The following TENM2 variants were observed in gnomAD, a reference collection of about 807,000 sequenced individuals.
TENM2 encodes teneurin-2.
Under a neutral mutation model 245.2 loss-of-function variants are expected in TENM2, and 52 were observed. The ratio of observed to expected loss-of-function variants is 0.21; its 90% CI spans 0.17 to 0.27. The LOEUF (loss-of-function observed/expected upper bound fraction) is 0.27, where lower values mean the gene tolerates loss of function less well. TENM2 is among the 10% of genes least tolerant of loss of function. The probability of loss-of-function intolerance (pLI) is 1.00; values close to 1 mark genes in which losing one functional copy is unlikely to be tolerated. For synonymous variants in TENM2, 1,363 were observed against 1,438.9 expected (o/e 0.95, Z 1.19); for missense variants, 3,046 against 3,666.8 (o/e 0.83, Z 4.37).
At chr5:167,861,318 C>G (rs548679187) in intron 2 of TENM2, among the ~76,000 whole-genome samples, 23 of 152,250 alleles carry the variant, frequency 1.5e-4, no homozygotes, top group Admixed American at 1.2e-3. Context: ...GTTTCAGTAC[C>G]ACGGAGAGCG....
intron 4 of TENM2, among the ~76,000 whole-genome samples, chr5:167,989,138 G>C (rs375005467): frequency 1.3e-5 from 2 of 152,232 alleles, no homozygotes; most frequent in South Asian, 4.2e-4. Context: ...TCACATTCTG[G>C]TTGGGGATAG....
intron 2 of TENM2, among the ~76,000 whole-genome samples, chr5:167,535,919 T>G (rs1771810415): frequency 6.6e-6 from 1 of 152,182 alleles, no homozygotes; most frequent in Non-Finnish European, 1.5e-5. Context: ...CTTATGGTTG[T>G]GCAGGGCACT....
chr5:167,007,264 A>C, the TENM2 span, among the ~76,000 whole-genome samples: 8 of 152,152 alleles, frequency 5.3e-5, no homozygotes, highest in African/African-American at 1.7e-4. The surrounding 1 kb of genome is among the most constrained non-coding windows in gnomAD (Gnocchi z 4.2). Flanking sequence ...CACAAATATA[A>C]ACATAAGTCC....
intron 2 of TENM2, among the ~76,000 whole-genome samples, chr5:167,522,821 TA>T (rs5873039): frequency 0.67 from 101,179 of 150,408 alleles, 34,177 homozygotes; most frequent in East Asian, 0.84. Context: ...CTCTGCCCTA[TA>T]AAAAAAAAAG....
the TENM2 span, among the ~76,000 whole-genome samples, chr5:167,046,989 ATG>A: frequency 6.6e-6 from 1 of 151,946 alleles, no homozygotes; most frequent in African/African-American, 2.4e-5. Context: ...TTTGCTGAGG[ATG>A]ATGGCTTCCA....
At chr5:167,106,599 C>T in the TENM2 span, among the ~76,000 whole-genome samples, 2 of 152,150 alleles carry the variant, frequency 1.3e-5, no homozygotes, top group Non-Finnish European at 2.9e-5. Flanking sequence ...AGGTGACTGA[C>T]ATGACTCAAC....
chr5:167,099,694 TCAAAACAAAA>T, the TENM2 span, among the ~76,000 whole-genome samples: 1 of 152,052 alleles, frequency 6.6e-6, no homozygotes, highest in African/African-American at 2.4e-5. Context: ...AAACACCGTC[TCAAAACAAAA>T]CAAAACAAAA....
intron 2 of TENM2, among the ~76,000 whole-genome samples, chr5:167,735,266 T>A (rs1760718695): frequency 6.6e-6 from 1 of 152,188 alleles, no homozygotes; most frequent in Non-Finnish European, 1.5e-5. Context: ...AAAAAAACTA[T>A]GTCAAGATAT....
intron 1 of TENM2, among the ~76,000 whole-genome samples, chr5:167,370,081 G>A (rs967647636): frequency 6.6e-6 from 1 of 152,158 alleles, no homozygotes; most frequent in Non-Finnish European, 1.5e-5. Flanking sequence ...GGTGGCTCAC[G>A]CCTGTAATCC....
At chr5:167,290,810 G>A (rs756012634) in intron 1 of TENM2, among the ~76,000 whole-genome samples, 41 of 151,840 alleles carry the variant, frequency 2.7e-4, no homozygotes, top group Non-Finnish European at 4.7e-4. Context: ...CTCTAAGGTA[G>A]TGTCATAGGA....
chr5:168,161,683 C>G (rs1043616484), intron 12 of TENM2, among the ~76,000 whole-genome samples: 29 of 152,092 alleles, frequency 1.9e-4, no homozygotes, highest in African/African-American at 6.8e-4. Flanking sequence ...TACCTCCTTT[C>G]TCCACTTTTC....
At chr5:168,214,711 A>G in intron 20 of TENM2, 2 of 453,844 alleles carry the variant, frequency 4.4e-6, no homozygotes, top group South Asian at 3.3e-5. Context: ...CTGCACACAC[A>G]TGGACTGTAG....
chr5:167,952,806 G>A (rs1045908481), exon 4 of TENM2: 28 of 1,558,046 alleles, frequency 1.8e-5, no homozygotes, highest in Non-Finnish European at 2.2e-5. Flanking sequence ...AAACAGCAAC[G>A]TGCCACTGGA....
intron 24 of TENM2, 36 bp downstream of exon 26, chr5:168,226,299 C>T: frequency 1.3e-6 from 2 of 1,591,994 alleles, no homozygotes; most frequent in Middle Eastern, 1.7e-4. Flanking sequence ...CCCCCAAACT[C>T]ACCCATAGAC....
At chr5:167,765,302 G>A (rs2337001) in intron 2 of TENM2, among the ~76,000 whole-genome samples, 18,147 of 152,126 alleles carry the variant, frequency 0.12, 1,344 homozygotes, top group African/African-American at 0.2. Context: ...GTTTCTTTCC[G>A]TTTACAAATG....
upstream of TENM2, among the ~76,000 whole-genome samples, chr5:167,280,193 C>T (rs942815108): frequency 2.0e-5 from 3 of 152,148 alleles, no homozygotes; most frequent in Non-Finnish European, 4.4e-5. Context: ...AGTTCTGGCT[C>T]CCCATGAGAC....
Position 167,477,236 on chromosome 5 carries a change from A to AT in TENM2, c.502+101773dup, listed in dbSNP as rs201317458. Among the ~76,000 whole-genome samples, 896 of 147,522 alleles carry AT rather than the reference A, an allele frequency of 6.1e-3. 11 individuals are homozygous for AT. The highest frequency in any genetic ancestry group is 0.021 in the African/African-American group (840 of 39,992). ...AAAAGCATTTTTCAGTGAAACTAGA[A>AT]TTTTTTTTTTCTGTGAGTGAATAAT... On this transcript the variant is annotated intron_variant, in intron 2 of 28. Transcript: ENST00000518659.
chr5:167,880,939 G>A lies in TENM2; in HGVS notation c.712+4744G>A, dbSNP rs1282943272. Among the ~76,000 whole-genome samples, 8 of 152,294 alleles carry A rather than the reference G, an allele frequency of 5.3e-5. No homozygotes were observed. In the East Asian group the frequency reaches 1.4e-3, roughly 26 times the overall value. ...AAAGTCACCATTCAGGACCTGAAAA[G>A]CAGATGTTCTGTGTTACAGATTCGT... On this transcript the variant is annotated intron_variant, in intron 3 of 28. Coordinates refer to ENST00000518659, the Ensembl canonical transcript of TENM2.
chr5:168,024,440 C>T (rs1425698293), intron 5 of TENM2, among the ~76,000 whole-genome samples: 1 of 152,204 alleles, frequency 6.6e-6, no homozygotes, highest in Non-Finnish European at 1.5e-5. Context: ...TTTCCCTTTG[C>T]TCAGCCTTTT....
Sources: allele counts gnomAD v4.1 joint callset (sites outside exome capture counted in the v4.1 genomes callset), GRCh38; gene constraint gnomAD v4.1.1; non-coding constraint Gnocchi (gnomAD v3.1); transcripts MANE v1.5; gene names NCBI Gene and HGNC (gene_info 2026-07-23, HGNC 2026-07-21).